FGB: variants seen among roughly 807,000 people sequenced by gnomAD.
FGB encodes the protein fibrinogen beta chain.
Under a neutral mutation model 57.9 loss-of-function variants are expected in FGB, and 25 were observed. That is an observed-to-expected ratio of 0.43 (90% CI 0.31 to 0.60). The LOEUF (loss-of-function observed/expected upper bound fraction) is 0.60, where lower values mean the gene tolerates loss of function less well. FGB is among the 20% of genes least tolerant of loss of function. FGB has a pLI of 0.08. For synonymous variants in FGB, 203 were observed against 199.2 expected (o/e 1.02, Z -0.16); for missense variants, 536 against 598.4 (o/e 0.90, Z 1.09).
Position 154,566,690 on chromosome 4 carries a change from T to A in FGB, c.490+18T>A, listed in dbSNP as rs1340319011. On this transcript the variant is annotated intron_variant, in intron 3 of 7. Transcript: ENST00000302068. ...AGTAAAAGGTAGATATCCTTGTGCT[T>A]TCCATTCGATTTTCAGCTATAAAAT... 1 of 1,612,124 alleles carries A rather than the reference T, an allele frequency of 6.2e-7. No homozygotes were observed. Among genetic ancestry groups the A allele is most frequent in the African/African-American group, 1.3e-5 (1 of 74,878 alleles).
intron 7 of FGB, 81 bp downstream of exon 7, chr4:154,569,880 C>T (rs573488258): frequency 2.0e-6 from 3 of 1,499,316 alleles, no homozygotes; most frequent in Non-Finnish European, 2.8e-6. Flanking sequence ...TTTTTAATAG[C>T]TACCACTTCC....
At chr4:154,567,907 TA>T (rs1214922508) in intron 4 of FGB, 87 bp downstream of exon 4, 1 of 973,814 alleles carries the variant, frequency 1.0e-6, no homozygotes, top group African/African-American at 1.6e-5. Context: ...ACAAAAATGC[TA>T]AGTGGATTTT....
chr4:154,568,357 C>T, intron 4 of FGB, 24 bp from the exon 5 acceptor site: 2 of 1,199,686 alleles, frequency 1.7e-6, no homozygotes, highest in Non-Finnish European at 2.5e-6. Context: ...AACCCCTGAA[C>T]ATAATGTTGT....
At chr4:154,563,155 A>G in intron 1 of FGB, 23 bp downstream of exon 1, 1 of 960,758 alleles carries the variant, frequency 1.0e-6, no homozygotes, top group Non-Finnish European at 1.6e-6. Context: ...AAGCATTATT[A>G]TATTATTAGT....
At position 154,565,932 on chromosome 4, in the gene FGB, C is replaced by A. The variant is rs930390250; in HGVS notation, c.239C>A (p.Ala80Asp). The change falls in exon 2 of 8, where the codon GCC becomes GAC. Residue 80 changes from alanine to aspartate, a missense_variant. Physicochemically the swap from Ala to Asp is moderately radical, Grantham distance 126 (BLOSUM62 -2). Coordinates refer to ENST00000302068, the MANE Select transcript of FGB (RefSeq NM_005141.5). ...CGGGCTCGTCCAGCCAAAGCAGCTG[C>A]CACTCAAAAGAAAGTAGAAAGAAAA... ...GYRARPAKAA[A>D]TQKKVERKAP... 6.2e-7 allele frequency: 1 copy of A among 1,614,124 alleles called. No homozygotes were observed. Among genetic ancestry groups the A allele is most frequent in the Non-Finnish European group, 8.5e-7 (1 of 1,180,018 alleles).
chr4:154,564,438 G>T (rs890482818), intron 1 of FGB, among the ~76,000 whole-genome samples: 1 of 152,012 alleles, frequency 6.6e-6, no homozygotes, highest in African/African-American at 2.4e-5. Context: ...TTTAGAGAGG[G>T]TAAGCTCTGA....
At chr4:154,564,342 T>C (rs1730067603) in intron 1 of FGB, among the ~76,000 whole-genome samples, 1 of 152,110 alleles carries the variant, frequency 6.6e-6, no homozygotes, top group Non-Finnish European at 1.5e-5. Flanking sequence ...ACCTCTCTAG[T>C]GGCACTCTGA....
chr4:154,565,646 T>C, intron 1 of FGB, 162 bp from the exon 2 acceptor site: 2 of 696,156 alleles, frequency 2.9e-6, no homozygotes, highest in Non-Finnish European at 4.9e-6. Flanking sequence ...TACTGAACAG[T>C]AAGCAACCTA....
At position 154,570,461 on chromosome 4, in the gene FGB, T is replaced by TG; in HGVS notation, c.1289dup (p.Gly431TrpfsTer5). 6.2e-7 allele frequency: 1 copy of TG among 1,614,028 alleles called. No homozygotes were observed. Among genetic ancestry groups the TG allele is most frequent in the Non-Finnish European group, 8.5e-7 (1 of 1,179,978 alleles). On this transcript the variant is annotated frameshift_variant, in exon 8 of 8. Coordinates refer to ENST00000302068, the MANE Select transcript of FGB (RefSeq NM_005141.5). LOFTEE classifies it high-confidence loss of function. ...GAAAACAGTGTTCTAAAGAAGACGG[T>TG]GGTGGATGGTGGTATAATAGATGTC...
chr4:154,563,896 T>C (rs1730048644), intron 1 of FGB, among the ~76,000 whole-genome samples: 1 of 152,008 alleles, frequency 6.6e-6, no homozygotes, highest in African/African-American at 2.4e-5. Context: ...ACATATAGCA[T>C]AGTATCATTA....
At chr4:154,569,338 T>G (rs1284525543) in intron 6 of FGB, 31 bp downstream of exon 6, 2 of 1,613,462 alleles carry the variant, frequency 1.2e-6, no homozygotes, top group African/African-American at 2.7e-5. Context: ...ATAAAATCAT[T>G]CTATTTGAAA....
rs1730379056 is a variant in FGB at position 154,570,571 on chromosome 4, T to C, written c.1397T>C (p.Val466Ala). The change falls in exon 8 of 8, where the codon GTA becomes GCA. Residue 466 changes from valine (V) to alanine (A), a missense_variant. Physicochemically the swap from Val to Ala is moderately conservative, Grantham distance 64 (BLOSUM62 0). This residue lies in a region of FGB where 177 missense variants were observed against 193.7 expected (regional missense o/e 0.91). Transcript: ENST00000302068. ...AAGCATGGCACAGATGATGGTGTAG[T>C]ATGGATGAATTGGAAGGGGTCATGG... ...MAKHGTDDGV[V>A]WMNWKGSWYS... 6.2e-7 allele frequency: 1 copy of C among 1,613,992 alleles called. No individual in the cohort carries two copies. The highest frequency in any genetic ancestry group is 8.5e-7 in the Non-Finnish European group (1 of 1,180,020).
At chr4:154,563,771 T>C (rs1331411216) in intron 1 of FGB, among the ~76,000 whole-genome samples, 4 of 151,966 alleles carry the variant, frequency 2.6e-5, no homozygotes, top group Non-Finnish European at 4.4e-5. Context: ...ACTATTATTT[T>C]TGCTGACTTA....
chr4:154,569,276 C>A lies in FGB; in HGVS notation c.927C>A (p.Asn309Lys). 1.2e-6 allele frequency: 2 copies of A among 1,614,034 alleles called. No individual in the cohort carries two copies. The highest frequency in any genetic ancestry group is 1.7e-6 in the Non-Finnish European group (2 of 1,179,986). Residue 309 changes from asparagine to lysine, a missense_variant, in exon 6 of 8, where the codon AAC (asparagine) becomes AAA (lysine). Asn to Lys is a moderately conservative substitution (Grantham distance 94). Transcript: ENST00000302068. ...YKQGFGNVAT[N>K]TDGKNYCGLP... ...AGGGATTTGGAAATGTTGCAACCAACACAGATGGGAAGAATTACTGTGGCC... is the reference window on the plus strand; with the variant it reads ...AGGGATTTGGAAATGTTGCAACCAAAACAGATGGGAAGAATTACTGTGGCC...
intron 1 of FGB, chr4:154,565,157 T>A (rs1730102527): frequency 2.2e-6 from 1 of 461,122 alleles, no homozygotes; most frequent in South Asian, 1.6e-5. Flanking sequence ...GTAAGGCAGA[T>A]TCAAACTATC....
In FGB at chr4:154,569,754, A is replaced by C. The variant is rs754035448; in HGVS notation, c.1199A>C (p.His400Pro). 1.6e-5 allele frequency: 26 copies of C among 1,614,060 alleles called. No individual in the cohort carries two copies. Among genetic ancestry groups the C allele is most frequent in the Non-Finnish European group, 1.9e-5 (22 of 1,180,034 alleles). Reference sequence around the variant, plus strand: ...GGAGAAAACAGGACCATGACCATTCACAACGGCATGTTCTTCAGCACGTAT... The same window carrying C: ...GGAGAAAACAGGACCATGACCATTCCCAACGGCATGTTCTTCAGCACGTAT... The part of the protein sequence containing the change: ...LMGENRTMTI[H>P]NGMFFSTYDR... The change falls in exon 7 of 8, where the codon CAC becomes CCC. Residue 400 changes from histidine (H) to proline (P), a missense_variant. His to Pro is a moderately conservative substitution (Grantham distance 77). Transcript: ENST00000302068.
chr4:154,564,170 A>G lies in FGB; in HGVS notation c.114+1038A>G, dbSNP rs1730060615. ...ACTTTCACATTTCTGCTTATCAACT[A>G]AACCTCACAGAGATAGTTTAATAGT... On this transcript the variant is annotated intron_variant, in intron 1 of 7. Coordinates refer to ENST00000302068, the MANE Select transcript of FGB (RefSeq NM_005141.5). Among the ~76,000 whole-genome samples, 12 of 152,202 alleles carry G rather than the reference A, an allele frequency of 7.9e-5. No homozygotes were observed. In the South Asian group the frequency reaches 2.5e-3, roughly 32 times the overall value.
rs1478809682 is a variant in FGB, at chr4:154,568,444, G to C, written c.782G>C (p.Ser261Thr). 1 of 1,609,530 alleles carries C rather than the reference G, an allele frequency of 6.2e-7. No individual in the cohort carries two copies. Among genetic ancestry groups the C allele is most frequent in the East Asian group, 2.2e-5 (1 of 44,862 alleles). Residue 261 changes from serine to threonine, a missense_variant, in exon 5 of 8, where the codon AGT (serine) becomes ACT (threonine). By Grantham distance (58) the Ser-to-Thr change is moderately conservative (BLOSUM62 1). Transcript: ENST00000302068. ...GAAATGTATCTCATTCAACCTGACA[G>C]TTCTGTCAAACCGTATAGAGTATAC... Reference protein sequence around the residue: ...TSEMYLIQPDSSVKPYRVYCD... With the variant: ...TSEMYLIQPDTSVKPYRVYCD...
intron 1 of FGB, among the ~76,000 whole-genome samples, chr4:154,563,353 A>G (rs772011145): frequency 6.6e-6 from 1 of 151,898 alleles, no homozygotes; most frequent in Admixed American, 6.6e-5. Context: ...TGTTTTCTTA[A>G]GATGAGGATG....
Sources: gnomAD v4.1 joint callset for allele counts (sites outside exome capture counted in the v4.1 genomes callset) on GRCh38, gnomAD v4.1.1 for gene constraint, gnomAD v4.1.1 regional missense constraint, MANE v1.5 for transcripts, NCBI Gene and HGNC (gene_info 2026-07-23, HGNC 2026-07-21) for gene names.